Variants in ANTXR2 observed in about 807,000 individuals in gnomAD.
ANTXR2 encodes the protein anthrax toxin receptor 2.
A neutral mutation model predicts 73.7 loss-of-function variants in ANTXR2; 44 were observed. The ratio of observed to expected loss-of-function variants is 0.60; its 90% confidence interval spans 0.47 to 0.77. ANTXR2 has a LOEUF of 0.77. Among genes scored for constraint, ANTXR2 ranks in the 30% least tolerant of loss-of-function variants. The pLI, the probability that ANTXR2 is intolerant of heterozygous loss-of-function variation, is 0.00. For missense variants in ANTXR2, 604 were observed against 592.5 expected, an observed-to-expected ratio of 1.02 and a Z score of -0.20; for synonymous variants, 217 against 205.9, an observed-to-expected ratio of 1.05 and a Z score of -0.46.
intron 7 of ANTXR2, among the ~76,000 whole-genome samples, chr4:80,036,878 G>T (rs894519029): frequency 6.6e-6 from 1 of 152,112 alleles, no homozygotes. Flanking sequence ...CTTAATTCCT[G>T]TGGGTGCTAG....
intron 3 of ANTXR2, among the ~76,000 whole-genome samples, chr4:80,061,856 G>A (rs1248612664): frequency 6.6e-6 from 1 of 152,094 alleles, no homozygotes; most frequent in Admixed American, 6.6e-5. Flanking sequence ...AGAGAAATAT[G>A]TTCATTCATA....
chr4:80,027,895 C>T (rs566522764), intron 10 of ANTXR2, among the ~76,000 whole-genome samples: 1 of 152,206 alleles, frequency 6.6e-6, no homozygotes, highest in South Asian at 2.1e-4. Flanking sequence ...GAGGCTAGTG[C>T]CCTGGATTAG....
chr4:79,995,506 T>C (rs915310372), intron 12 of ANTXR2, among the ~76,000 whole-genome samples: 1 of 151,998 alleles, frequency 6.6e-6, no homozygotes, highest in Non-Finnish European at 1.5e-5. Context: ...GAAGAGGAGA[T>C]AGAAGTATAC....
chr4:79,930,527 C>T (rs909393687), intron 16 of ANTXR2, among the ~76,000 whole-genome samples: 1 of 152,112 alleles, frequency 6.6e-6, no homozygotes, highest in Non-Finnish European at 1.5e-5. Context: ...TAATTATGAA[C>T]GTTGATTATC....
intron 12 of ANTXR2, among the ~76,000 whole-genome samples, chr4:79,998,433 C>T (rs1355221714): frequency 6.6e-6 from 1 of 151,990 alleles, no homozygotes. Context: ...GACAACACTA[C>T]AGAAAGCCTT....
chr4:79,935,627 G>A (rs1167666633), intron 16 of ANTXR2, among the ~76,000 whole-genome samples: 3 of 152,192 alleles, frequency 2.0e-5, no homozygotes, highest in African/African-American at 7.2e-5. Context: ...ATAGTACACT[G>A]ACATTTATTA....
chr4:79,987,917 G>T (rs2110025608), intron 12 of ANTXR2, among the ~76,000 whole-genome samples: 1 of 152,186 alleles, frequency 6.6e-6, no homozygotes. Context: ...ACAAGCAAAT[G>T]CTAAGGGAAT....
chr4:79,977,047 TCAGA>T (rs1313647426), intron 16 of ANTXR2, among the ~76,000 whole-genome samples: 1 of 152,210 alleles, frequency 6.6e-6, no homozygotes, highest in Non-Finnish European at 1.5e-5. Flanking sequence ...AAATATAGCC[TCAGA>T]CAGGCTTCCC....
chr4:79,944,182 A>G (rs7667773), intron 16 of ANTXR2, among the ~76,000 whole-genome samples: 6,012 of 36,938 alleles, frequency 0.16, 1,317 homozygotes, highest in East Asian at 0.69. Context: ...CAGAAGAGGC[A>G]AGAGCTCTAG....
At chr4:79,910,224 T>A (rs1727069176) in intron 16 of ANTXR2, among the ~76,000 whole-genome samples, 1 of 152,064 alleles carries the variant, frequency 6.6e-6, no homozygotes, top group Non-Finnish European at 1.5e-5. Flanking sequence ...AAAACACATA[T>A]TGTTGGCCGG....
At chr4:79,932,150 A>T (rs758397935) in intron 16 of ANTXR2, among the ~76,000 whole-genome samples, 14 of 152,230 alleles carry the variant, frequency 9.2e-5, no homozygotes, top group Non-Finnish European at 1.5e-4. Flanking sequence ...CTGGTAATAC[A>T]TTGTCAATTA....
At chr4:80,036,328 T>C (rs563959689) in intron 7 of ANTXR2, among the ~76,000 whole-genome samples, 12 of 152,114 alleles carry the variant, frequency 7.9e-5, no homozygotes, top group Non-Finnish European at 1.8e-4. Flanking sequence ...TATGAATAGA[T>C]AACTAAAATT....
intron 12 of ANTXR2, among the ~76,000 whole-genome samples, chr4:79,994,702 G>C (rs1008048483): frequency 6.6e-6 from 1 of 151,646 alleles, no homozygotes; most frequent in African/African-American, 2.4e-5. Flanking sequence ...AGTGATATGG[G>C]AAAATTGAAT....
At chr4:80,000,416 C>A (rs1578143055) in intron 12 of ANTXR2, among the ~76,000 whole-genome samples, 1 of 151,918 alleles carries the variant, frequency 6.6e-6, no homozygotes, top group South Asian at 2.1e-4. Flanking sequence ...CCAAGTAAAG[C>A]AATATCAATT....
chr4:80,066,634 C>G (rs1004890518), intron 3 of ANTXR2, among the ~76,000 whole-genome samples: 1 of 152,112 alleles, frequency 6.6e-6, no homozygotes, highest in African/African-American at 2.4e-5. Flanking sequence ...AGTGATAAAG[C>G]CTTTATCTCT....
At chr4:80,058,253 C>T (rs1013114109) in intron 3 of ANTXR2, among the ~76,000 whole-genome samples, 1 of 151,884 alleles carries the variant, frequency 6.6e-6, no homozygotes, top group African/African-American at 2.4e-5. Flanking sequence ...TTTTTTTGTA[C>T]AGTCAGGTAT....
chr4:79,945,299 C>A (rs921168232), intron 16 of ANTXR2, among the ~76,000 whole-genome samples: 1 of 151,934 alleles, frequency 6.6e-6, no homozygotes, highest in Non-Finnish European at 1.5e-5. Flanking sequence ...GCTAACCTAA[C>A]CCTGGAATAA....
chr4:80,037,310 C>A (rs1029752409), intron 7 of ANTXR2, among the ~76,000 whole-genome samples: 2 of 152,146 alleles, frequency 1.3e-5, no homozygotes, highest in Non-Finnish European at 2.9e-5. Context: ...TCTGTGCTTT[C>A]TTTAATAACA....
At chr4:80,007,961 C>G (rs1212958621) in intron 12 of ANTXR2, among the ~76,000 whole-genome samples, 1 of 152,146 alleles carries the variant, frequency 6.6e-6, no homozygotes, top group Non-Finnish European at 1.5e-5. Flanking sequence ...GATATACACC[C>G]ATATTCTTTC....
Sources: allele counts gnomAD v4.1 joint callset (sites outside exome capture counted in the v4.1 genomes callset), GRCh38; gene constraint gnomAD v4.1.1; transcripts MANE v1.5; gene names NCBI Gene and HGNC (gene_info 2026-07-23, HGNC 2026-07-21).